Variants in PBX1 observed in about 807,000 individuals in gnomAD.
PBX1 encodes the protein pre-B-cell leukemia transcription factor 1.
In PBX1, 6 loss-of-function variants were observed where a neutral mutation model predicts 53.4. The ratio of observed to expected loss-of-function variants is 0.11; its 90% CI spans 0.06 to 0.22. The LOEUF is 0.22. PBX1 is among the 10% of genes least tolerant of loss of function. The pLI, the probability that PBX1 is intolerant of heterozygous loss-of-function variation, is 1.00. For synonymous variants in PBX1, 204 were observed against 212.3 expected (o/e 0.96, Z 0.34); for missense variants, 251 against 551.4 (o/e 0.46, Z 5.46).
In PBX1 at chr1:164,799,901, A is replaced by G. The variant is rs751756078; in HGVS notation, c.701+12A>G. 1.2e-6 allele frequency: 2 copies of G among 1,605,626 alleles called. No homozygotes were observed. The highest frequency in any genetic ancestry group is 2.2e-5 in the East Asian group (1 of 44,728). On this transcript the variant is annotated intron_variant, in intron 4 of 8. Transcript: ENST00000420696. ...TTTCTGGATGCGCGGTGAGTCTCCC[A>G]TGGGGCTGTCCTGCCCTCTCTGGGA...
At chr1:164,637,624 T>A (rs1422603928) in intron 2 of PBX1, among the ~76,000 whole-genome samples, 1 of 152,206 alleles carries the variant, frequency 6.6e-6, no homozygotes, top group Admixed American at 6.5e-5. Context: ...AGTGACAGAT[T>A]GTGACCAATG....
At chr1:164,725,444 A>G (rs1664648949) in intron 2 of PBX1, among the ~76,000 whole-genome samples, 1 of 152,058 alleles carries the variant, frequency 6.6e-6, no homozygotes, top group African/African-American at 2.4e-5. Flanking sequence ...CCGTGTAACC[A>G]TGTTCTGCAC....
At chr1:164,845,522 G>A (rs1042440458) in intron 8 of PBX1, among the ~76,000 whole-genome samples, 7 of 152,174 alleles carry the variant, frequency 4.6e-5, no homozygotes, top group Non-Finnish European at 7.3e-5. Flanking sequence ...TAATCGAAGG[G>A]GGGAAAGGCA....
intron 2 of PBX1, among the ~76,000 whole-genome samples, chr1:164,614,182 G>C (rs912226457): frequency 6.6e-6 from 1 of 152,200 alleles, no homozygotes; most frequent in African/African-American, 2.4e-5. Context: ...GTGTGTGGAA[G>C]TACATGAAAG....
chr1:164,697,667 C>G (rs1378495894), intron 2 of PBX1, among the ~76,000 whole-genome samples: 1 of 152,172 alleles, frequency 6.6e-6, no homozygotes, highest in African/African-American at 2.4e-5. Context: ...CACTTGGTGC[C>G]TTGAGGTCAC....
chr1:164,839,849 A>G (rs9803689), intron 8 of PBX1, among the ~76,000 whole-genome samples: 12,910 of 151,808 alleles, frequency 0.085, 701 homozygotes, highest in African/African-American at 0.15. Flanking sequence ...ACTAGAGAGG[A>G]GTGTGGTGGT....
intron 2 of PBX1, among the ~76,000 whole-genome samples, chr1:164,791,026 C>T (rs1164097577): frequency 6.6e-6 from 1 of 152,206 alleles, no homozygotes; most frequent in African/African-American, 2.4e-5. Flanking sequence ...CTGCCACCTC[C>T]ATCCCCAAAA....
At chr1:164,755,998 G>GAAA (rs370503258) in intron 2 of PBX1, among the ~76,000 whole-genome samples, 10 of 125,018 alleles carry the variant, frequency 8.0e-5, no homozygotes, top group African/African-American at 1.5e-4. Context: ...CCCGATTCAG[G>GAAA]AAAAAAAAAA....
chr1:164,562,452 T>TACACACACACACACACACACACAC lies in PBX1; in HGVS notation c.192-767_192-744dup, dbSNP rs6143458. Among the ~76,000 whole-genome samples the TACACACACACACACACACACACAC allele has an allele frequency of 2.0e-4, 28 of 143,396 alleles. No homozygotes were observed. In the East Asian group the frequency reaches 3.3e-3, roughly 17 times the overall value. 94.1% of individuals were successfully genotyped at this position (143,396 alleles called of 152,430 possible). A position where few individuals can be genotyped will look rare whatever the true frequency, so the allele number is the denominator to read the frequency against. ...TTTTGTTCCTCAAGTGCATTCAGAA[T>TACACACACACACACACACACACAC]ACACACACACACACACACACACACA... On this transcript the variant is annotated intron_variant, in intron 1 of 8. Transcript: ENST00000420696.
At chr1:164,853,265 G>A (rs1571532393), downstream of PBX1, among the ~76,000 whole-genome samples, 1 of 152,270 alleles carries the variant, frequency 6.6e-6, no homozygotes, top group South Asian at 2.1e-4. Flanking sequence ...CAAGGGTTAG[G>A]GGTAGGCGTG....
At chr1:164,590,760 G>A (rs1410397720) in intron 2 of PBX1, among the ~76,000 whole-genome samples, 1 of 152,014 alleles carries the variant, frequency 6.6e-6, no homozygotes, top group Admixed American at 6.6e-5. Flanking sequence ...AAAGAGCAAA[G>A]TCTGCTCTAC....
At chr1:164,649,246 A>G (rs1019655951) in intron 2 of PBX1, among the ~76,000 whole-genome samples, 2 of 152,202 alleles carry the variant, frequency 1.3e-5, no homozygotes, top group African/African-American at 4.8e-5. Context: ...TTTCTAGCTT[A>G]AAACAAAATT....
At chr1:164,885,194 C>A (rs928710521) in intron 2 of PBX1, among the ~76,000 whole-genome samples, 9 of 152,142 alleles carry the variant, frequency 5.9e-5, no homozygotes, top group African/African-American at 2.2e-4. Context: ...TTAGATGTAT[C>A]TAACTCTGTA....
chr1:164,758,363 G>T (rs1426033021), intron 2 of PBX1, among the ~76,000 whole-genome samples: 3 of 152,186 alleles, frequency 2.0e-5, no homozygotes, highest in Admixed American at 6.5e-5. Context: ...AGTGACTGCA[G>T]CCTGGCTTGG....
intron 2 of PBX1, among the ~76,000 whole-genome samples, chr1:164,622,861 T>G (rs1394798814): frequency 2.0e-5 from 3 of 150,624 alleles, no homozygotes; most frequent in Non-Finnish European, 3.0e-5. Flanking sequence ...GTCTTGCTCT[T>G]TCGCCCAGGC....
chr1:164,814,701 C>T (rs1174925734), intron 6 of PBX1: 1 of 152,684 alleles, frequency 6.5e-6, no homozygotes, highest in Non-Finnish European at 1.5e-5. Context: ...GACCGCACCA[C>T]TTACTCCAGC....
intron 2 of PBX1, among the ~76,000 whole-genome samples, chr1:164,578,244 G>A (rs1192094724): frequency 6.6e-6 from 1 of 152,138 alleles, no homozygotes; most frequent in Non-Finnish European, 1.5e-5. Context: ...TGTAAGTAGA[G>A]GTTATGGAAG....
intron 2 of PBX1, among the ~76,000 whole-genome samples, chr1:164,588,473 C>CTTT (rs371768861): frequency 0.058 from 4,199 of 72,686 alleles, 664 homozygotes; most frequent in Non-Finnish European, 0.076. Context: ...CCGGACTAAG[C>CTTT]TTTTTTTTTT....
intron 2 of PBX1, chr1:164,590,242 A>C (rs1196773788): frequency 2.4e-6 from 1 of 412,230 alleles, no homozygotes; most frequent in Non-Finnish European, 4.8e-6. Context: ...GTCAGGGAGC[A>C]GATAGAAGAA....
Sources: gnomAD v4.1 joint callset for allele counts (sites outside exome capture counted in the v4.1 genomes callset) on GRCh38, gnomAD v4.1.1 for gene constraint, MANE v1.5 for transcripts, NCBI Gene and HGNC (gene_info 2026-07-23, HGNC 2026-07-21) for gene names.